Variants in FRY observed in about 807,000 individuals in gnomAD.
The protein encoded by FRY is protein furry homolog.
A neutral mutation model predicts 348.4 loss-of-function variants in FRY; 128 were observed. The observed-to-expected ratio is 0.37, with a 90% CI of 0.32 to 0.43. FRY has a LOEUF of 0.43. Ranked by LOEUF, FRY falls within the 20% of genes least tolerant of loss-of-function variation. The pLI, the probability that FRY is intolerant of heterozygous loss-of-function variation, is 1.00. For synonymous variants in FRY, 1,370 were observed against 1,374.7 expected (o/e 1.00, Z 0.08); for missense variants, 2,736 against 3,695.2 (o/e 0.74, Z 6.73).
intron 1 of FRY, among the ~76,000 whole-genome samples, chr13:32,059,804 G>A (rs79931813): frequency 0.017 from 2,649 of 152,206 alleles, 78 homozygotes; most frequent in African/African-American, 0.06. Flanking sequence ...AACTCCATAG[G>A]CACACTACTG....
chr13:32,283,167 C>A lies in FRY; in HGVS notation c.8469+4619C>A, dbSNP rs555221803. ...AAAAAAAAAAACAAAACAACAACAACGAAAAAAACTTTCACACATACACAC... is the reference window on the plus strand; with the variant it reads ...AAAAAAAAAAACAAAACAACAACAAAGAAAAAAACTTTCACACATACACAC... On this transcript the variant is annotated intron_variant, in intron 58 of 60. Coordinates refer to ENST00000542859, the MANE Select transcript of FRY (RefSeq NM_023037.3). Among the ~76,000 whole-genome samples, 2 of 151,178 alleles carry A rather than the reference C, an allele frequency of 1.3e-5. 1 individual carries two copies. Among genetic ancestry groups the A allele is most frequent in the Non-Finnish European group, 2.9e-5 (2 of 67,800 alleles).
chr13:32,185,038 A>G lies in FRY; in HGVS notation c.3209A>G (p.Asp1070Gly). 2 of 1,613,748 alleles carry G rather than the reference A, an allele frequency of 1.2e-6. No homozygotes were observed. The highest frequency in any genetic ancestry group is 1.7e-6 in the Non-Finnish European group (2 of 1,179,642). The part of the protein sequence containing the change: ...ALGALFLEYV[D>G]LTRMLLEAEN... ...GGAGCTTTGTTCTTAGAATATGTGG[A>G]CTTGACCCGCATGCTCCTAGAAGCT... The change falls in exon 26 of 61, where the codon GAC becomes GGC. Residue 1070 changes from aspartate to glycine, a missense_variant. This residue lies in a region of FRY where 449 missense variants were observed against 576.9 expected (regional missense o/e 0.78). Transcript: ENST00000542859.
rs1403987848 is a variant in FRY, at chr13:32,278,558, G to C, written c.8469+10G>C. 6.4e-6 allele frequency: 9 copies of C among 1,412,802 alleles called. No homozygotes were observed. Among genetic ancestry groups the C allele is most frequent in the Non-Finnish European group, 9.0e-6 (9 of 996,480 alleles). 87.5% of individuals were successfully genotyped at this position (1,412,802 alleles called of 1,614,324 possible). A position where few individuals can be genotyped will look rare whatever the true frequency, so the allele number is the denominator to read the frequency against. On this transcript the variant is annotated intron_variant, in intron 58 of 60. Coordinates refer to ENST00000542859, the MANE Select transcript of FRY (RefSeq NM_023037.3). ...GGACTCCGAAGAAAAGGTAATAAAA[G>C]CCTGTTAGAATGGGTCTCTTGTGTG... is the stretch of plus-strand genomic sequence containing the variant.
At chr13:32,052,456 G>A (rs1339463831) in intron 1 of FRY, among the ~76,000 whole-genome samples, 1 of 152,112 alleles carries the variant, frequency 6.6e-6, no homozygotes. Flanking sequence ...GTAATTCTAA[G>A]TTTTGTAATA....
At chr13:32,057,490 G>A (rs1450540574) in intron 1 of FRY, among the ~76,000 whole-genome samples, 1 of 152,096 alleles carries the variant, frequency 6.6e-6, no homozygotes, top group African/African-American at 2.4e-5. Context: ...TACATTTAGT[G>A]AGAGTAGTTG....
chr13:32,234,524 A>G, intron 41 of FRY, 50 bp from the exon 42 acceptor site: 3 of 1,526,416 alleles, frequency 2.0e-6, no homozygotes, highest in Non-Finnish European at 2.7e-6. Context: ...TTGATGCCCC[A>G]GAGCATGTAG....
chr13:32,193,446 C>T (rs966810817), intron 28 of FRY, among the ~76,000 whole-genome samples: 7 of 151,830 alleles, frequency 4.6e-5, no homozygotes, highest in Non-Finnish European at 7.4e-5. Flanking sequence ...TCTGCATGCA[C>T]GGTGGTAACA....
intron 3 of FRY, among the ~76,000 whole-genome samples, chr13:32,111,839 T>C (rs1566077578): frequency 6.6e-6 from 1 of 152,318 alleles, no homozygotes; most frequent in East Asian, 1.9e-4. Flanking sequence ...AGAATAGTCA[T>C]GAGTTACTAT....
chr13:32,234,534 G>C (rs753929253), intron 41 of FRY, 40 bp from the exon 42 acceptor site: 2 of 1,570,192 alleles, frequency 1.3e-6, no homozygotes, highest in Non-Finnish European at 1.8e-6. Context: ...AGAGCATGTA[G>C]AGTAGAGACT....
rs1273866966 is a variant in FRY at position 32,237,094 on chromosome 13, A to G, written c.5811-285A>G. Among the ~76,000 whole-genome samples the G allele has an allele frequency of 3.3e-5, 5 of 152,152 alleles. No homozygotes were observed. The highest frequency in any genetic ancestry group is 4.8e-5 in the African/African-American group (2 of 41,434). On this transcript the variant is annotated intron_variant, in intron 43 of 60. Coordinates refer to ENST00000542859, the MANE Select transcript of FRY (RefSeq NM_023037.3). The surrounding 1 kb of genome is among the most constrained non-coding windows in gnomAD (Gnocchi z 6.3). ...TTTATTTCATAATTACTCCTACCCA[A>G]ATTCAAGCAAAACATAAATGAAATA...
intron 51 of FRY, among the ~76,000 whole-genome samples, chr13:32,260,849 G>T (rs1458077225): frequency 6.6e-6 from 1 of 152,096 alleles, no homozygotes; most frequent in Non-Finnish European, 1.5e-5. Flanking sequence ...AACAGTAATA[G>T]GCTGGATGTG....
At chr13:32,161,599 C>T (rs893069918) in intron 17 of FRY, among the ~76,000 whole-genome samples, 9 of 152,010 alleles carry the variant, frequency 5.9e-5, no homozygotes, top group African/African-American at 2.2e-4. Context: ...AACTTCCTCT[C>T]GAAGGGAAGG....
At chr13:32,262,212 G>A (rs1201138536) in intron 52 of FRY, 102 bp from the exon 53 acceptor site, 8 of 897,278 alleles carry the variant, frequency 8.9e-6, no homozygotes, top group Non-Finnish European at 1.3e-5. Context: ...AAATGTGGAA[G>A]TTAAAAAATT....
At chr13:32,285,648 G>A (rs993485690) in intron 58 of FRY, among the ~76,000 whole-genome samples, 1 of 152,140 alleles carries the variant, frequency 6.6e-6, no homozygotes, top group African/African-American at 2.4e-5. Context: ...ATAAAAAGCC[G>A]TTTTCTTCAC....
intron 41 of FRY, among the ~76,000 whole-genome samples, chr13:32,233,509 A>G (rs1306805219): frequency 1.3e-5 from 2 of 152,246 alleles, no homozygotes; most frequent in Non-Finnish European, 2.9e-5. Context: ...TTGGAAAAAC[A>G]AATATTCAGG....
At chr13:32,221,928 A>G (rs12100159) in intron 36 of FRY, among the ~76,000 whole-genome samples, 1,561 of 152,282 alleles carry the variant, frequency 0.01, 24 homozygotes, top group African/African-American at 0.034. Context: ...TGAACAGAAC[A>G]GAAGAAGTCC....
intron 3 of FRY, among the ~76,000 whole-genome samples, chr13:32,107,923 A>G (rs1466817541): frequency 6.6e-6 from 1 of 152,256 alleles, no homozygotes; most frequent in Admixed American, 6.5e-5. Context: ...TACTATCACT[A>G]TTTATTTTAA....
At chr13:32,065,848 C>G (rs1181292641) in intron 1 of FRY, among the ~76,000 whole-genome samples, 1 of 152,122 alleles carries the variant, frequency 6.6e-6, no homozygotes, top group African/African-American at 2.4e-5. Context: ...AAGTGATCGT[C>G]CTGTCTAGGC....
In FRY at chr13:32,178,173, A is replaced by G. The variant is rs368158309; in HGVS notation, c.2422-4A>G. The G allele has an allele frequency of 1.9e-6, 3 of 1,614,088 alleles. No homozygotes were observed. The highest frequency in any genetic ancestry group is 2.5e-6 in the Non-Finnish European group (3 of 1,180,014). ...AACTTACAACCTACCTCTTATACCT[A>G]CAGGCAACATTACCACTCACCCACA... On this transcript the variant is annotated splice_region_variant and splice_polypyrimidine_tract_variant and intron_variant, in intron 20 of 60. Coordinates refer to ENST00000542859, the MANE Select transcript of FRY (RefSeq NM_023037.3).
Sources: gnomAD v4.1 joint callset for allele counts (sites outside exome capture counted in the v4.1 genomes callset) on GRCh38, gnomAD v4.1.1 for gene constraint, gnomAD v4.1.1 regional missense constraint, Gnocchi (gnomAD v3.1) non-coding constraint, MANE v1.5 for transcripts, NCBI Gene and HGNC (gene_info 2026-07-23, HGNC 2026-07-21) for gene names.